Variants in NGLY1 observed in about 807,000 individuals in gnomAD.
NGLY1 encodes peptide-N(4)-(N-acetyl-beta-glucosaminyl)asparagine amidase.
In NGLY1, 68 loss-of-function variants were observed where a neutral mutation model predicts 84.6. The ratio of observed to expected loss-of-function variants is 0.80; its 90% confidence interval spans 0.66 to 0.98. The LOEUF (loss-of-function observed/expected upper bound fraction) is 0.98, where lower values mean the gene tolerates loss of function less well. Among genes scored for constraint, NGLY1 ranks in the 50% least tolerant of loss-of-function variants. The pLI is 0.00. For synonymous variants in NGLY1, 280 were observed against 275.2 expected, an observed-to-expected ratio of 1.02 and a Z score of -0.17; for missense variants, 779 against 770.2, an observed-to-expected ratio of 1.01 and a Z score of -0.14.
At chr3:25,731,249 G>C (rs1705522924) in intron 9 of NGLY1, among the ~76,000 whole-genome samples, 2 of 152,050 alleles carry the variant, frequency 1.3e-5, no homozygotes, top group South Asian at 4.1e-4. Flanking sequence ...ATCTGGAGAG[G>C]AAAAACGTAA....
intron 2 of NGLY1, among the ~76,000 whole-genome samples, chr3:25,769,763 A>C (rs1447280916): frequency 6.6e-5 from 10 of 152,128 alleles, no homozygotes; most frequent in Non-Finnish European, 1.5e-5. Flanking sequence ...TCTTATGCTT[A>C]ATTTTTAAGC....
intron 2 of NGLY1, among the ~76,000 whole-genome samples, chr3:25,768,459 T>A (rs1001549586): frequency 6.7e-6 from 1 of 149,600 alleles, no homozygotes; most frequent in Non-Finnish European, 1.5e-5. Flanking sequence ...GAGACTTAAG[T>A]GTAAGACCTT....
chr3:25,778,751 T>C, intron 1 of NGLY1, 63 bp from the exon 2 acceptor site: 1 of 977,808 alleles, frequency 1.0e-6, no homozygotes, highest in Non-Finnish European at 1.6e-6. Context: ...TTCAAAGACT[T>C]TACTTTCAAC....
At chr3:25,756,406 C>G (rs1707037633) in intron 3 of NGLY1, among the ~76,000 whole-genome samples, 1 of 152,150 alleles carries the variant, frequency 6.6e-6, no homozygotes, top group Admixed American at 6.5e-5. Context: ...CTTGCATTTG[C>G]TGTTTTTCAC....
upstream of NGLY1, among the ~76,000 whole-genome samples, chr3:25,785,275 G>C (rs1306519932): frequency 1.3e-5 from 2 of 151,280 alleles, no homozygotes; most frequent in Non-Finnish European, 2.9e-5. Flanking sequence ...AGTAAGGCCA[G>C]ATTTACAAAA....
chr3:25,747,858 G>C lies in NGLY1; in HGVS notation c.658+3240C>G, dbSNP rs146913725. ...CAATTTTGACAAACTGCTGGAAGCT[G>C]AGTATGGACTAGCTTGGGAGTAAGA... On this transcript the variant is annotated intron_variant, in intron 4 of 11. Transcript: ENST00000280700. Among the ~76,000 whole-genome samples the C allele has an allele frequency of 4.2e-3, 644 of 152,326 alleles. 3 individuals carry two copies. Among genetic ancestry groups the C allele is most frequent in the African/African-American group, 0.014 (598 of 41,584 alleles).
At chr3:25,737,247 T>C (rs1219197807) in intron 6 of NGLY1, 87 bp downstream of exon 6, 1 of 1,179,108 alleles carries the variant, frequency 8.5e-7, no homozygotes, top group South Asian at 1.6e-5. Context: ...GGCCAAAAAG[T>C]AACAGAGAAT....
rs1708466784 is a variant in NGLY1 at position 25,782,537 on chromosome 3, T to C, written c.131+723A>G. Among the ~76,000 whole-genome samples, 4 of 152,242 alleles carry C rather than the reference T, an allele frequency of 2.6e-5. 1 individual carries two copies. The South Asian group carries it at 8.3e-4, about 32-fold the overall frequency. ...AATTCCCAAAATCTGCAAGGTCCCT[T>C]AGACCTCTAGAAGTGCAATTTTGCT... On this transcript the variant is annotated intron_variant, in intron 1 of 11. Transcript: ENST00000280700.
intron 10 of NGLY1, among the ~76,000 whole-genome samples, chr3:25,725,730 T>A (rs1378216557): frequency 6.6e-6 from 1 of 152,140 alleles, no homozygotes; most frequent in Non-Finnish European, 1.5e-5. Context: ...TCTGAGTTGA[T>A]TGTTGTAGAG....
chr3:25,762,135 T>C (rs1707348941), intron 3 of NGLY1, among the ~76,000 whole-genome samples: 1 of 152,128 alleles, frequency 6.6e-6, no homozygotes, highest in African/African-American at 2.4e-5. Context: ...ATCGACATTT[T>C]ACTTGATATA....
chr3:25,767,154 C>T (rs1224483374), intron 2 of NGLY1, among the ~76,000 whole-genome samples: 2 of 151,900 alleles, frequency 1.3e-5, no homozygotes, highest in African/African-American at 2.4e-5. Context: ...TGGCTGGGCG[C>T]AGTGGCAGGC....
intron 2 of NGLY1, 67 bp from the exon 3 acceptor site, chr3:25,764,378 C>G (rs1303905169): frequency 2.0e-6 from 3 of 1,489,264 alleles, no homozygotes; most frequent in Non-Finnish European, 2.7e-6. Context: ...TGTGCACACA[C>G]ACACAGAAAT....
At chr3:25,750,321 T>G (rs1167532945) in intron 4 of NGLY1, among the ~76,000 whole-genome samples, 1 of 152,090 alleles carries the variant, frequency 6.6e-6, no homozygotes, top group Non-Finnish European at 1.5e-5. Context: ...AAGGTGAGAT[T>G]TGGGTGGGGA....
At chr3:25,733,837 C>G (rs1705678022) in intron 8 of NGLY1, 35 bp downstream of exon 8, 3 of 1,465,786 alleles carry the variant, frequency 2.0e-6, no homozygotes, top group Non-Finnish European at 2.8e-6. Flanking sequence ...TAAAAAATGT[C>G]AACTGTTCTT....
chr3:25,749,756 A>T, intron 4 of NGLY1: 1 of 1,505,352 alleles, frequency 6.6e-7, no homozygotes, highest in Non-Finnish European at 9.1e-7. Context: ...AGTGCTGCTG[A>T]TGTGCAACAA....
rs775442827 is a variant in NGLY1, at chr3:25,729,273, T to C, written c.1471A>G (p.Lys491Glu). ...ATATTGTAACAAAGGTGGAGCTGTT[T>C]AGAAATCTTCTCATTTTCACAGGGA... ...FIPCENEKIS[K>E]QLHLCYNIVK... The change falls in exon 10 of 12, where the codon AAA becomes GAA. Residue 491 changes from lysine to glutamate, a missense_variant. Transcript: ENST00000280700. The C allele has an allele frequency of 6.7e-7, 1 of 1,495,752 alleles. No individual in the cohort carries two copies. Among genetic ancestry groups the C allele is most frequent in the Non-Finnish European group, 9.0e-7 (1 of 1,114,322 alleles). The allele number at this position is 1,495,752 out of a possible 1,614,324, so 92.7% of individuals were successfully genotyped here.
chr3:25,771,147 T>C (rs952561652), intron 2 of NGLY1, among the ~76,000 whole-genome samples: 1 of 152,200 alleles, frequency 6.6e-6, no homozygotes, highest in Non-Finnish European at 1.5e-5. Flanking sequence ...GTTTTTCTGA[T>C]GTTATCTTCT....
At chr3:25,733,701 C>T (rs1249709288) in intron 8 of NGLY1, among the ~76,000 whole-genome samples, 171 bp downstream of exon 8, 1 of 151,824 alleles carries the variant, frequency 6.6e-6, no homozygotes, top group African/African-American at 2.4e-5. Flanking sequence ...GCAAAATTTT[C>T]AATGAACAAA....
At chr3:25,734,594 C>T (rs1025619500) in intron 7 of NGLY1, 1 of 166,842 alleles carries the variant, frequency 6.0e-6, no homozygotes, top group Admixed American at 6.5e-5. Flanking sequence ...TGCTTGTAAT[C>T]CCAGTTACTC....
Sources: gnomAD v4.1 joint callset for allele counts (sites outside exome capture counted in the v4.1 genomes callset) on GRCh38, gnomAD v4.1.1 for gene constraint, MANE v1.5 for transcripts, NCBI Gene and HGNC (gene_info 2026-07-23, HGNC 2026-07-21) for gene names.